The following PRR23E variants were observed in gnomAD, a reference collection of about 807,000 sequenced individuals.
PRR23E encodes proline-rich protein 23E.
chr3:127,194,893 G>T, the PRR23E span, among the ~76,000 whole-genome samples: 5,713 of 152,230 alleles, frequency 0.038, 192 homozygotes, highest in East Asian at 0.16. Flanking sequence ...CAGGTCCTCT[G>T]CCCATTCGGG....
the PRR23E span, chr3:127,193,279 A>C: frequency 6.6e-6 from 1 of 152,280 alleles, no homozygotes; most frequent in African/African-American, 2.4e-5. Context: ...CAAGTGGGTA[A>C]GTAGCGAGAA....
At chr3:127,196,542 T>G in the PRR23E span, 1 of 1,330,670 alleles carries the variant, frequency 7.5e-7, no homozygotes, top group Non-Finnish European at 9.9e-7. Flanking sequence ...TCCCCTCCTG[T>G]GCGACCTGGT....
chr3:127,194,120 T>C, the PRR23E span, among the ~76,000 whole-genome samples: 1 of 152,360 alleles, frequency 6.6e-6, no homozygotes, highest in East Asian at 1.9e-4. Flanking sequence ...AATTTTTAAA[T>C]AGCCAGTTTT....
chr3:127,194,022 CATGTTGGAG>C, the PRR23E span, among the ~76,000 whole-genome samples: 1 of 152,202 alleles, frequency 6.6e-6, no homozygotes, highest in Non-Finnish European at 1.5e-5. Flanking sequence ...TGGTCTGCCA[CATGTTGGAG>C]ATATCGCCCT....
the PRR23E span, among the ~76,000 whole-genome samples, chr3:127,195,877 G>A: frequency 6.6e-6 from 1 of 152,228 alleles, no homozygotes; most frequent in African/African-American, 2.4e-5. Context: ...ATTTCAAGGA[G>A]ATTCCTCTGG....
chr3:127,195,052 C>T, the PRR23E span, among the ~76,000 whole-genome samples: 4 of 152,296 alleles, frequency 2.6e-5, no homozygotes, highest in South Asian at 8.3e-4. Flanking sequence ...TTCCCTTAAA[C>T]CTGTCCTCCC....
At chr3:127,194,464 C>T in the PRR23E span, among the ~76,000 whole-genome samples, 2 of 152,182 alleles carry the variant, frequency 1.3e-5, no homozygotes, top group African/African-American at 4.8e-5. Flanking sequence ...TGCAAGGATA[C>T]GCGTATCACA....
At chr3:127,197,380 C>G in the PRR23E span, 15 of 1,559,664 alleles carry the variant, frequency 9.6e-6, no homozygotes, top group African/African-American at 2.7e-5. Flanking sequence ...TCCCGGTCAC[C>G]CTGCAGGGCC....
the PRR23E span, chr3:127,197,483 C>A: frequency 7.3e-7 from 1 of 1,373,314 alleles, no homozygotes; most frequent in Non-Finnish European, 9.6e-7. Flanking sequence ...CAGCTGTGGA[C>A]TTTAAGTTTT....
At chr3:127,193,554 C>A in the PRR23E span, among the ~76,000 whole-genome samples, 1 of 152,130 alleles carries the variant, frequency 6.6e-6, no homozygotes, top group African/African-American at 2.4e-5. Flanking sequence ...CCTGCCTGCC[C>A]CCTCGCAGAA....
chr3:127,195,575 C>T, the PRR23E span, among the ~76,000 whole-genome samples: 1 of 152,200 alleles, frequency 6.6e-6, no homozygotes, highest in Non-Finnish European at 1.5e-5. Flanking sequence ...ACTCTGGAGG[C>T]ACCTGGCTGG....
the PRR23E span, chr3:127,196,510 C>T: frequency 9.8e-7 from 1 of 1,017,328 alleles, no homozygotes; most frequent in Non-Finnish European, 1.4e-6. Flanking sequence ...TCACCTCACC[C>T]CCAGCTGTCC....
the PRR23E span, among the ~76,000 whole-genome samples, chr3:127,193,575 A>C: frequency 6.6e-6 from 1 of 151,132 alleles, no homozygotes; most frequent in African/African-American, 2.4e-5. Context: ...TCATCCCTCC[A>C]CCCGCTGCAG....
chr3:127,195,064 C>T, the PRR23E span, among the ~76,000 whole-genome samples: 4 of 152,182 alleles, frequency 2.6e-5, no homozygotes, highest in South Asian at 4.1e-4. Context: ...TGTCCTCCCG[C>T]GCTGTGGCAG....
the PRR23E span, among the ~76,000 whole-genome samples, chr3:127,196,391 T>C: frequency 6.6e-6 from 1 of 152,072 alleles, no homozygotes; most frequent in South Asian, 2.1e-4. Flanking sequence ...CCCTAGAAAA[T>C]GCCTCACGTG....
chr3:127,196,977 G>A, the PRR23E span: 1 of 1,599,406 alleles, frequency 6.3e-7, no homozygotes, highest in Non-Finnish European at 8.5e-7. Context: ...AGCTGCCTTG[G>A]TGCCTTCAGT....
chr3:127,193,158 G>C, the PRR23E span: 4 of 152,312 alleles, frequency 2.6e-5, no homozygotes, highest in Non-Finnish European at 4.4e-5. Flanking sequence ...ACCTGGACCG[G>C]GGACAGTAAC....
the PRR23E span, among the ~76,000 whole-genome samples, chr3:127,193,515 C>A: frequency 6.6e-6 from 1 of 152,124 alleles, no homozygotes; most frequent in African/African-American, 2.4e-5. Context: ...AGCCCCAGCC[C>A]CTCCCCTAAA....
chr3:127,196,853 C>G, the PRR23E span: 1 of 1,599,308 alleles, frequency 6.3e-7, no homozygotes, highest in South Asian at 1.1e-5. Context: ...CTGACCTGGC[C>G]CTCTGGCCTG....
Sources: gnomAD v4.1 joint callset for allele counts (sites outside exome capture counted in the v4.1 genomes callset) on GRCh38, gnomAD v4.1.1 for gene constraint, MANE v1.5 for transcripts, NCBI Gene and HGNC (gene_info 2026-07-23, HGNC 2026-07-21) for gene names.